MYO16: variants seen among roughly 807,000 people sequenced by gnomAD.
The protein encoded by MYO16 is myosin XVI.
A neutral mutation model predicts 205.3 loss-of-function variants in MYO16; 94 were observed. The observed-to-expected ratio is 0.46, with a 90% CI of 0.39 to 0.54. The LOEUF is 0.54. Ranked by LOEUF, MYO16 falls within the 20% of genes least tolerant of loss-of-function variation. The pLI is 0.00. For missense variants in MYO16, 2,315 were observed against 2,387.5 expected (o/e 0.97, Z 0.63); for synonymous variants, 988 against 954.0 (o/e 1.04, Z -0.66).
intron 22 of MYO16, among the ~76,000 whole-genome samples, chr13:109,017,291 C>T (rs1339839702): frequency 2.6e-5 from 4 of 152,110 alleles, no homozygotes; most frequent in Non-Finnish European, 5.9e-5. Flanking sequence ...TGAATATTGA[C>T]CCCCACTCTC....
At chr13:108,528,611 C>CACTCCTT in the MYO16 span, among the ~76,000 whole-genome samples, 2 of 6,172 alleles carry the variant, frequency 3.2e-4, no homozygotes, top group Admixed American at 1.8e-3. Flanking sequence ...CTCTCCTCTC[C>CACTCCTT]TCCCCTCCCC....
At chr13:108,651,291 C>T (rs993841420) in intron 1 of MYO16, among the ~76,000 whole-genome samples, 1 of 152,182 alleles carries the variant, frequency 6.6e-6, no homozygotes, top group African/African-American at 2.4e-5. Context: ...ATAGGTTTGA[C>T]TGGACAGCTG....
intron 4 of MYO16, among the ~76,000 whole-genome samples, chr13:108,763,969 T>A (rs1885698724): frequency 6.6e-6 from 1 of 152,052 alleles, no homozygotes; most frequent in Admixed American, 6.6e-5. Flanking sequence ...AAAAGACCGA[T>A]AAACTCGATT....
chr13:108,820,516 A>T, intron 8 of MYO16, 104 bp downstream of exon 8: 2 of 916,120 alleles, frequency 2.2e-6, no homozygotes, highest in Non-Finnish European at 3.5e-6. Context: ...AGAGCTGGAC[A>T]TGCCTGTGAA....
chr13:109,111,715 C>G (rs1889291899), intron 28 of MYO16, among the ~76,000 whole-genome samples: 1 of 147,866 alleles, frequency 6.8e-6, no homozygotes, highest in African/African-American at 2.5e-5. Flanking sequence ...GAGACGGAGT[C>G]TTGCTCTGTT....
At chr13:108,809,923 T>G (rs1887234407) in intron 7 of MYO16, among the ~76,000 whole-genome samples, 3 of 152,134 alleles carry the variant, frequency 2.0e-5, no homozygotes, top group South Asian at 2.1e-4. Flanking sequence ...TTGAGAACCA[T>G]AAACATCTAT....
At chr13:108,849,486 C>T (rs533680680) in intron 10 of MYO16, among the ~76,000 whole-genome samples, 30 of 151,992 alleles carry the variant, frequency 2.0e-4, no homozygotes, top group African/African-American at 7.0e-4. Flanking sequence ...CCACTGTGCC[C>T]ATCTAACACA....
chr13:108,500,139 A>G, the MYO16 span, among the ~76,000 whole-genome samples: 5 of 145,492 alleles, frequency 3.4e-5, no homozygotes, highest in South Asian at 8.7e-4. Context: ...GACTCCTCAC[A>G]TCCACACTGG....
intron 15 of MYO16, among the ~76,000 whole-genome samples, chr13:108,901,018 G>A (rs548258459): frequency 1.6e-4 from 25 of 152,188 alleles, no homozygotes; most frequent in African/African-American, 5.5e-4. Flanking sequence ...AATAAGCCCC[G>A]GTCTCCCACA....
chr13:108,895,194 C>A (rs2139196621), intron 14 of MYO16, among the ~76,000 whole-genome samples: 1 of 148,666 alleles, frequency 6.7e-6, no homozygotes, highest in African/African-American at 2.4e-5. Context: ...GAAAAAATAC[C>A]ATACATTATA....
chr13:108,896,252 ATATTAT>A (rs1469476480), intron 14 of MYO16, among the ~76,000 whole-genome samples: 1 of 152,164 alleles, frequency 6.6e-6, no homozygotes, highest in Non-Finnish European at 1.5e-5. Flanking sequence ...GTTTAATGTA[ATATTAT>A]TAATATTTAA....
intron 1 of MYO16, among the ~76,000 whole-genome samples, chr13:108,601,137 C>T (rs189402892): frequency 1.3e-5 from 2 of 152,236 alleles, no homozygotes; most frequent in Admixed American, 1.3e-4. Flanking sequence ...ATGTGTGCTT[C>T]ATTCAGTGCA....
At chr13:108,722,588 T>C (rs1884203837) in intron 3 of MYO16, among the ~76,000 whole-genome samples, 2 of 152,156 alleles carry the variant, frequency 1.3e-5, no homozygotes, top group Admixed American at 6.5e-5. Flanking sequence ...AATATAAATG[T>C]AGATTCCTGA....
At chr13:108,894,370 T>C (rs1021084026) in intron 14 of MYO16, among the ~76,000 whole-genome samples, 1 of 152,100 alleles carries the variant, frequency 6.6e-6, no homozygotes, top group African/African-American at 2.4e-5. Context: ...ACTCTTCCTG[T>C]GGTTGATAAT....
intron 4 of MYO16, among the ~76,000 whole-genome samples, chr13:108,739,507 C>A (rs1884826287): frequency 6.6e-6 from 1 of 152,218 alleles, no homozygotes; most frequent in Non-Finnish European, 1.5e-5. Flanking sequence ...GAGAGATGTG[C>A]TGATAGTCTG....
chr13:109,123,510 C>A (rs1404999557), intron 29 of MYO16, among the ~76,000 whole-genome samples: 1 of 152,050 alleles, frequency 6.6e-6, no homozygotes, highest in Admixed American at 6.6e-5. Context: ...GCCTTTTTCG[C>A]GCTCAAGGTG....
intron 20 of MYO16, among the ~76,000 whole-genome samples, chr13:108,985,853 C>T (rs770113764): frequency 9.2e-5 from 14 of 152,156 alleles, no homozygotes; most frequent in South Asian, 2.1e-4. Flanking sequence ...AGTGAGCATA[C>T]ATTTTGTTTG....
At chr13:109,137,693 C>T (rs1258780806) in intron 31 of MYO16, among the ~76,000 whole-genome samples, 2 of 152,042 alleles carry the variant, frequency 1.3e-5, no homozygotes, top group Admixed American at 6.5e-5. Context: ...TTGAATGATT[C>T]CCATTGTTTT....
At chr13:109,037,353 A>G (rs1886750040) in intron 23 of MYO16, among the ~76,000 whole-genome samples, 1 of 151,972 alleles carries the variant, frequency 6.6e-6, no homozygotes, top group Non-Finnish European at 1.5e-5. Flanking sequence ...TTCTAGGGAG[A>G]CTTCTTTTCT....
Sources: allele counts gnomAD v4.1 joint callset (sites outside exome capture counted in the v4.1 genomes callset), GRCh38; gene constraint gnomAD v4.1.1; transcripts MANE v1.5; gene names NCBI Gene and HGNC (gene_info 2026-07-23, HGNC 2026-07-21).